SRPK2: variants seen among roughly 807,000 people sequenced by gnomAD.
SRPK2 encodes the protein SRSF protein kinase 2, also known as SFRS protein kinase 2.
SRPK2 carries 21 observed loss-of-function variants against 90.8 expected under a neutral mutation model. The ratio of observed to expected loss-of-function variants is 0.23; its 90% CI spans 0.16 to 0.33. The LOEUF (loss-of-function observed/expected upper bound fraction) is 0.33. Among genes scored for constraint, SRPK2 ranks in the 10% least tolerant of loss-of-function variants. SRPK2 has a pLI of 1.00. For missense variants in SRPK2, 620 were observed against 869.0 expected, an observed-to-expected ratio of 0.71 and a Z score of 3.60; for synonymous variants, 288 against 311.1, an observed-to-expected ratio of 0.93 and a Z score of 0.78.
chr7:105,118,079 G>T (rs997977242), intron 15 of SRPK2, 57 bp from the exon 16 acceptor site: 6 of 1,588,468 alleles, frequency 3.8e-6, no homozygotes, highest in African/African-American at 1.4e-5. Flanking sequence ...ATTCCCCATT[G>T]TTGGTCCAGT....
chr7:105,217,541 C>T (rs1295485858), intron 2 of SRPK2, among the ~76,000 whole-genome samples: 1 of 152,202 alleles, frequency 6.6e-6, no homozygotes, highest in Non-Finnish European at 1.5e-5. Flanking sequence ...CAGAGCAGGA[C>T]TAAAGCCCCA....
At chr7:105,192,711 TATTTTTTG>T (rs1293204093) in intron 3 of SRPK2, among the ~76,000 whole-genome samples, 13 of 152,326 alleles carry the variant, frequency 8.5e-5, no homozygotes, top group African/African-American at 3.1e-4. Flanking sequence ...TAACATCTAT[TATTTTTTG>T]ATTTTTTGAT....
At chr7:105,133,152 T>C (rs1254332729) in intron 11 of SRPK2, 48 bp from the exon 12 acceptor site, 1 of 1,567,958 alleles carries the variant, frequency 6.4e-7, no homozygotes, top group African/African-American at 1.4e-5. Flanking sequence ...ATAGGTGGTT[T>C]GCATGTGTGA....
chr7:105,165,811 T>C (rs1054540235), intron 6 of SRPK2, among the ~76,000 whole-genome samples: 1 of 152,246 alleles, frequency 6.6e-6, no homozygotes, highest in African/African-American at 2.4e-5. Flanking sequence ...AGCTTTGTTC[T>C]TTCACTCTTC....
intron 2 of SRPK2, among the ~76,000 whole-genome samples, chr7:105,233,674 G>C (rs1010839927): frequency 5.3e-5 from 8 of 152,086 alleles, no homozygotes; most frequent in Admixed American, 2.0e-4. Context: ...GCCAAATGAT[G>C]AAATCCCGTC....
At chr7:105,309,269 A>T (rs2131363589) in intron 2 of SRPK2, among the ~76,000 whole-genome samples, 1 of 152,310 alleles carries the variant, frequency 6.6e-6, no homozygotes, top group African/African-American at 2.4e-5. Context: ...CTAAAAGAAA[A>T]AAAATACATT....
At position 105,117,665 on chromosome 7, in the gene SRPK2, C is replaced by T; in HGVS notation, c.*173G>A. On this transcript the variant is annotated 3_prime_UTR_variant, in exon 16 of 16. Transcript: ENST00000393651. Reference sequence around the variant, plus strand: ...CTGAAGACAAAAGACTACCCTTCCCCAGGATCACAGTGCACAAAAAGCAAA... The same window carrying T: ...CTGAAGACAAAAGACTACCCTTCCCTAGGATCACAGTGCACAAAAAGCAAA... 1 of 648,452 alleles carries T rather than the reference C, an allele frequency of 1.5e-6. No homozygotes were observed. Among genetic ancestry groups the T allele is most frequent in the Non-Finnish European group, 2.6e-6 (1 of 384,720 alleles). The allele number at this position is 648,452 out of a possible 1,614,324, so 40.2% of individuals were successfully genotyped here.
At chr7:105,277,382 G>A (rs1157695965) in intron 2 of SRPK2, among the ~76,000 whole-genome samples, 1 of 152,056 alleles carries the variant, frequency 6.6e-6, no homozygotes, top group Non-Finnish European at 1.5e-5. Context: ...GGCCCAACTT[G>A]GTATTTTTAA....
chr7:105,357,038 T>A (rs1171241428), intron 2 of SRPK2, among the ~76,000 whole-genome samples: 1 of 137,252 alleles, frequency 7.3e-6, no homozygotes, highest in Non-Finnish European at 1.5e-5. Context: ...TAAACACTAA[T>A]TTTTTTTTTT....
chr7:105,339,951 G>A (rs914822438), intron 2 of SRPK2, among the ~76,000 whole-genome samples: 3 of 151,886 alleles, frequency 2.0e-5, no homozygotes, highest in Admixed American at 6.6e-5. Context: ...AAAGCTACTC[G>A]GGGGGCTGAG....
At chr7:105,301,677 A>T in intron 2 of SRPK2, 1 of 1,611,584 alleles carries the variant, frequency 6.2e-7, no homozygotes, top group Non-Finnish European at 8.5e-7. Flanking sequence ...CCTGGACAGA[A>T]ACATATCCCC....
intron 2 of SRPK2, among the ~76,000 whole-genome samples, chr7:105,347,900 AT>A (rs766591358): frequency 3.3e-4 from 50 of 151,888 alleles, no homozygotes; most frequent in Non-Finnish European, 6.3e-4. Flanking sequence ...TGCACAATTA[AT>A]TCTAAATTAC....
chr7:105,142,446 T>A lies in SRPK2; in HGVS notation c.1105A>T (p.Asn369Tyr). ...ACATCATCTTCATCTTTTTCAATGTTTTCTTTCTCAGCATCTTCTTTCTCT... is the reference window on the plus strand; with the variant it reads ...ACATCATCTTCATCTTTTTCAATGTATTCTTTCTCAGCATCTTCTTTCTCT... ...QEEKEDAEKE[N>Y]IEKDEDDVDQ... The change falls in exon 11 of 16, where the codon AAC (asparagine) becomes TAC (tyrosine). Residue 369 changes from asparagine (N) to tyrosine (Y), a missense_variant. This residue lies in a region of SRPK2 where 243 missense variants were observed against 245.7 expected (regional missense o/e 0.99). Transcript: ENST00000393651. The A allele has an allele frequency of 6.2e-7, 1 of 1,612,874 alleles. No individual in the cohort carries two copies. The highest frequency in any genetic ancestry group is 8.5e-7 in the Non-Finnish European group (1 of 1,179,716).
At chr7:105,244,104 G>T (rs1167941548) in intron 2 of SRPK2, among the ~76,000 whole-genome samples, 1 of 152,184 alleles carries the variant, frequency 6.6e-6, no homozygotes, top group African/African-American at 2.4e-5. Flanking sequence ...CCCAAGTCCC[G>T]TCCGCTGGTC....
intron 2 of SRPK2, among the ~76,000 whole-genome samples, chr7:105,224,010 T>C (rs1458563984): frequency 6.6e-6 from 1 of 152,176 alleles, no homozygotes; most frequent in Non-Finnish European, 1.5e-5. Flanking sequence ...GAATTTTTGA[T>C]TAAATTCTGA....
At chr7:105,330,805 C>T (rs919821951) in intron 2 of SRPK2, among the ~76,000 whole-genome samples, 86 of 151,898 alleles carry the variant, frequency 5.7e-4, no homozygotes, top group African/African-American at 2.1e-3. Context: ...TACAGTGAGA[C>T]ACCTGTCTCT....
At chr7:105,184,981 T>C (rs2129601227) in intron 3 of SRPK2, among the ~76,000 whole-genome samples, 1 of 152,290 alleles carries the variant, frequency 6.6e-6, no homozygotes, top group South Asian at 2.1e-4. Context: ...TATGAGATCA[T>C]TAAAAGGACT....
intron 2 of SRPK2, among the ~76,000 whole-genome samples, chr7:105,204,163 A>G (rs1795914902): frequency 6.6e-6 from 1 of 152,204 alleles, no homozygotes. Flanking sequence ...AAACATCACA[A>G]CGATTATAAA....
At chr7:105,255,317 C>G (rs573125045) in intron 2 of SRPK2, among the ~76,000 whole-genome samples, 1 of 151,734 alleles carries the variant, frequency 6.6e-6, no homozygotes, top group East Asian at 1.9e-4. Flanking sequence ...CAGCAAATAC[C>G]CGTATCTGCG....
Sources: gnomAD v4.1 joint callset for allele counts (sites outside exome capture counted in the v4.1 genomes callset) on GRCh38, gnomAD v4.1.1 for gene constraint, gnomAD v4.1.1 regional missense constraint, MANE v1.5 for transcripts, NCBI Gene and HGNC (gene_info 2026-07-23, HGNC 2026-07-21) for gene names.